VAT1L: variants seen among roughly 807,000 people sequenced by gnomAD.
The protein encoded by VAT1L is vesicle amine transport 1 like.
A neutral mutation model predicts 44.1 loss-of-function variants in VAT1L; 34 were observed. That is an observed-to-expected ratio of 0.77 (90% CI 0.59 to 1.03). The LOEUF is 1.03. Ranked by LOEUF, VAT1L falls within the 50% of genes least tolerant of loss-of-function variation. The pLI is 0.00. For synonymous variants in VAT1L, 253 were observed against 202.2 expected (o/e 1.25, Z -2.13); for missense variants, 615 against 538.8 (o/e 1.14, Z -1.40).
At chr16:77,918,883 G>A (rs576299367) in intron 7 of VAT1L, among the ~76,000 whole-genome samples, 2 of 152,320 alleles carry the variant, frequency 1.3e-5, no homozygotes, top group Non-Finnish European at 2.9e-5. Flanking sequence ...TGTTTGTTCA[G>A]TAGAATAAGT....
rs192042906 is a variant in VAT1L, at chr16:77,936,235, C to T, written c.1078-35615C>T. 3.3e-3 allele frequency among the ~76,000 whole-genome samples: 503 copies of T among 152,256 alleles called. 1 individual carries two copies. The highest frequency in any genetic ancestry group is 6.8e-3 in the Middle Eastern group (2 of 294). On this transcript the variant is annotated intron_variant, in intron 7 of 8. Coordinates refer to ENST00000302536, the MANE Select transcript of VAT1L (RefSeq NM_020927.3). The stretch of plus-strand genomic sequence containing the variant: ...GTTACTATACTGAGACTTAAGGCTG[C>T]GAAACACTTGTCCATCTTCAGCTAT...
At chr16:77,959,003 G>C (rs2018133912) in intron 7 of VAT1L, among the ~76,000 whole-genome samples, 2 of 152,200 alleles carry the variant, frequency 1.3e-5, no homozygotes, top group Admixed American at 6.5e-5. Flanking sequence ...CCAAGACTAT[G>C]ATTAGTCAAG....
intron 1 of VAT1L, among the ~76,000 whole-genome samples, chr16:77,795,820 T>C (rs1171228036): frequency 0.02 from 1,978 of 99,004 alleles, 17 homozygotes; most frequent in Non-Finnish European, 0.031. Context: ...TCTCTTTTTT[T>C]TTTTTTTTTT....
At position 77,857,358 on chromosome 16, in the gene VAT1L, C is replaced by T. The variant is rs117027746; in HGVS notation, c.580-5390C>T. ...TGAGCTGCTGATCCTGCATTCACCT[C>T]GGGAGTTGGAGAAGGGAGAATACAG... On this transcript the variant is annotated intron_variant, in intron 3 of 8. Transcript: ENST00000302536. Among the ~76,000 whole-genome samples the T allele has an allele frequency of 5.1e-4, 78 of 152,210 alleles. No homozygotes were observed. The South Asian group carries it at 0.012, about 24-fold the overall frequency.
At chr16:77,952,206 A>G (rs1293806449) in intron 7 of VAT1L, among the ~76,000 whole-genome samples, 1 of 152,250 alleles carries the variant, frequency 6.6e-6, no homozygotes, top group Non-Finnish European at 1.5e-5. Context: ...ATAATTTACA[A>G]TATCAAGTTT....
intron 4 of VAT1L, among the ~76,000 whole-genome samples, chr16:77,869,247 G>A (rs35370527): frequency 0.082 from 12,540 of 152,184 alleles, 738 homozygotes; most frequent in East Asian, 0.23. Flanking sequence ...TTTCCTTTTT[G>A]TTGTTGTTAG....
At chr16:77,872,716 C>G (rs1330244644) in intron 4 of VAT1L, among the ~76,000 whole-genome samples, 1 of 152,164 alleles carries the variant, frequency 6.6e-6, no homozygotes, top group Admixed American at 6.5e-5. Context: ...TTCCAATGCT[C>G]GTAAGTTGCT....
At chr16:77,835,169 T>A (rs571118923) in intron 3 of VAT1L, among the ~76,000 whole-genome samples, 1 of 152,200 alleles carries the variant, frequency 6.6e-6, no homozygotes, top group East Asian at 1.9e-4. Flanking sequence ...CAAAAAGCTG[T>A]CACAAGCCAA....
chr16:77,977,283 T>G lies in VAT1L; in HGVS notation c.1162-314T>G, dbSNP rs567978075. Among the ~76,000 whole-genome samples the G allele has an allele frequency of 3.3e-5, 5 of 152,330 alleles. No homozygotes were observed. In the East Asian group the frequency reaches 7.7e-4, roughly 24 times the overall value. The stretch of plus-strand genomic sequence containing the variant: ...GGTCCCCAGCAGGACTGAGTCCCAC[T>G]GCCCACACAGGAACCAACTTACTAA... On this transcript the variant is annotated intron_variant, in intron 8 of 8. Coordinates refer to ENST00000302536, the MANE Select transcript of VAT1L (RefSeq NM_020927.3).
At chr16:77,920,628 G>A (rs4888696) in intron 7 of VAT1L, among the ~76,000 whole-genome samples, 16,785 of 152,092 alleles carry the variant, frequency 0.11, 1,234 homozygotes, top group East Asian at 0.19. Context: ...GTCCACAGAC[G>A]TTTGCTTAAG....
At chr16:77,935,494 G>A (rs1350059449) in intron 7 of VAT1L, among the ~76,000 whole-genome samples, 2 of 122,692 alleles carry the variant, frequency 1.6e-5, no homozygotes, top group African/African-American at 6.3e-5. Flanking sequence ...TTCAATGACG[G>A]TTTATAAAAA....
intron 3 of VAT1L, among the ~76,000 whole-genome samples, chr16:77,849,832 C>G (rs996306041): frequency 6.6e-6 from 1 of 152,204 alleles, no homozygotes; most frequent in Non-Finnish European, 1.5e-5. Flanking sequence ...CCGCCCAGAA[C>G]AGAACCTCAG....
rs2142456603 is a variant in VAT1L, at chr16:77,879,554, G to A, written c.882+330G>A. 6.6e-6 allele frequency among the ~76,000 whole-genome samples: 1 copy of A among 152,320 alleles called. No individual in the cohort carries two copies. The highest frequency in any genetic ancestry group is 1.9e-4 in the East Asian group (1 of 5,174). ...GCCCGCCTCAGCCTCCCAAAGTGCT[G>A]GGATTACAGGCGTGAGCCACCGCAC... On this transcript the variant is annotated intron_variant, in intron 6 of 8. Coordinates refer to ENST00000302536, the MANE Select transcript of VAT1L (RefSeq NM_020927.3). This position sits in a 1 kb window ranked among gnomAD's most constrained non-coding sequence, Gnocchi z 4.1.
At chr16:77,841,634 G>C (rs561122056) in intron 3 of VAT1L, among the ~76,000 whole-genome samples, 1 of 152,276 alleles carries the variant, frequency 6.6e-6, no homozygotes, top group South Asian at 2.1e-4. Flanking sequence ...CTGTCTCCTG[G>C]AAACTGCTTT....
rs1019576917 is a variant in VAT1L at position 77,820,553 on chromosome 16, G to A, written c.363+3503G>A. On this transcript the variant is annotated intron_variant, in intron 2 of 8. Coordinates refer to ENST00000302536, the MANE Select transcript of VAT1L (RefSeq NM_020927.3). The stretch of plus-strand genomic sequence containing the variant: ...TCAAACCAGCATGAGCCGTCAGTCA[G>A]GATAGCCTCCTCTTAGTAACAGCTT... Among the ~76,000 whole-genome samples, 5 of 152,230 alleles carry A rather than the reference G, an allele frequency of 3.3e-5. No individual in the cohort carries two copies. In the East Asian group the frequency reaches 9.7e-4, roughly 29 times the overall value.
chr16:77,795,149 G>A (rs1251354848), intron 1 of VAT1L, among the ~76,000 whole-genome samples: 5 of 151,866 alleles, frequency 3.3e-5, no homozygotes, highest in Non-Finnish European at 5.9e-5. Context: ...TCCATTTTGT[G>A]TCCCCTCTCC....
intron 3 of VAT1L, among the ~76,000 whole-genome samples, chr16:77,832,751 A>G (rs2016594057): frequency 6.6e-6 from 1 of 152,218 alleles, no homozygotes; most frequent in South Asian, 2.1e-4. Context: ...AAACCACACA[A>G]GGGAGGGGAA....
chr16:77,966,654 A>G (rs1165750637), intron 7 of VAT1L, among the ~76,000 whole-genome samples: 1 of 152,208 alleles, frequency 6.6e-6, no homozygotes, highest in Non-Finnish European at 1.5e-5. Flanking sequence ...TTCTAGCCAT[A>G]TTTTCAAAAC....
chr16:77,832,211 G>GA (rs1006349625), intron 3 of VAT1L, among the ~76,000 whole-genome samples: 254 of 152,054 alleles, frequency 1.7e-3, no homozygotes, highest in African/African-American at 5.9e-3. Flanking sequence ...CGGTATCTTG[G>GA]AAATCTCTGT....
Sources: gnomAD v4.1 joint callset for allele counts (sites outside exome capture counted in the v4.1 genomes callset) on GRCh38, gnomAD v4.1.1 for gene constraint, Gnocchi (gnomAD v3.1) non-coding constraint, MANE v1.5 for transcripts, NCBI Gene and HGNC (gene_info 2026-07-23, HGNC 2026-07-21) for gene names.